Variants in CWH43 observed in about 807,000 individuals in gnomAD.
CWH43 encodes the protein cell wall biogenesis 43 C-terminal homolog.
CWH43 carries 91 observed loss-of-function variants against 85.7 expected under a neutral mutation model. The ratio of observed to expected loss-of-function variants is 1.06; its 90% CI spans 0.90 to 1.26. The LOEUF is 1.26. Ranked by LOEUF, CWH43 falls within the 50% of genes most tolerant of loss-of-function variation. CWH43 has a pLI of 0.00. For missense variants in CWH43, 869 were observed against 839.2 expected, an observed-to-expected ratio of 1.04 and a Z score of -0.44; for synonymous variants, 323 against 293.6, an observed-to-expected ratio of 1.10 and a Z score of -1.02.
chr4:49,041,351 C>A (rs201809213), intron 13 of CWH43, among the ~76,000 whole-genome samples: 1 of 152,160 alleles, frequency 6.6e-6, no homozygotes, highest in Admixed American at 6.6e-5. Flanking sequence ...GCCATTTTCA[C>A]GATATTGATT....
chr4:49,000,540 A>G (rs1374241991), intron 6 of CWH43, among the ~76,000 whole-genome samples: 2 of 152,244 alleles, frequency 1.3e-5, no homozygotes, highest in Non-Finnish European at 2.9e-5. Flanking sequence ...AAGCATATAC[A>G]GTAGCTTCTT....
chr4:49,003,736 A>G lies in CWH43; in HGVS notation c.804A>G (p.Gly268=), dbSNP rs576529964. The G allele has an allele frequency of 3.7e-6, 6 of 1,613,758 alleles. No homozygotes were observed. The Admixed American group carries it at 8.3e-5, about 22-fold the overall frequency. The part of the protein sequence containing the change: ...RGTGLIWWVT[G]TASAAGLLYL... ...GATTCTTTTCTCTCTCACAAACAGGAACAGCTTCAGCTGCGGGGCTCCTTT... is the reference window on the plus strand; with the variant it reads ...GATTCTTTTCTCTCTCACAAACAGGGACAGCTTCAGCTGCGGGGCTCCTTT... Residue 268 remains glycine, a splice_region_variant and synonymous_variant, in exon 7 of 16, where the codon GGA becomes GGG. Coordinates refer to ENST00000226432, the MANE Select transcript of CWH43 (RefSeq NM_025087.3).
intron 14 of CWH43, among the ~76,000 whole-genome samples, chr4:49,050,104 C>A: frequency 6.6e-6 from 1 of 152,108 alleles, no homozygotes; most frequent in East Asian, 1.9e-4. Flanking sequence ...TCTGGAAGAG[C>A]ACAATGTAAT....
At chr4:49,012,739 G>A (rs567800882) in intron 8 of CWH43, among the ~76,000 whole-genome samples, 1 of 152,328 alleles carries the variant, frequency 6.6e-6, no homozygotes, top group African/African-American at 2.4e-5. Flanking sequence ...TCCTTTAGCT[G>A]CAGGTCTGTT....
chr4:49,055,984 A>C (rs1397481066), intron 15 of CWH43, among the ~76,000 whole-genome samples: 1 of 147,244 alleles, frequency 6.8e-6, no homozygotes, highest in East Asian at 2.0e-4. Flanking sequence ...TTACATATGT[A>C]TACATGTGCC....
chr4:49,053,671 T>C (rs1300857847), intron 15 of CWH43, among the ~76,000 whole-genome samples: 1 of 152,196 alleles, frequency 6.6e-6, no homozygotes, highest in Non-Finnish European at 1.5e-5. Flanking sequence ...GTTCCCTATA[T>C]GTTTTGGATA....
intron 9 of CWH43, among the ~76,000 whole-genome samples, chr4:49,021,574 A>G (rs1454655459): frequency 6.6e-6 from 1 of 152,036 alleles, no homozygotes; most frequent in Admixed American, 6.5e-5. Context: ...ATTTTTTTCC[A>G]GTTCTGTGAA....
intron 10 of CWH43, among the ~76,000 whole-genome samples, chr4:49,029,513 G>A (rs961328973): frequency 1.9e-4 from 29 of 152,172 alleles, no homozygotes; most frequent in Admixed American, 1.0e-3. Flanking sequence ...CCCCCAGCCC[G>A]GCACCCGTAA....
intron 8 of CWH43, among the ~76,000 whole-genome samples, chr4:49,013,849 C>T (rs1373564049): frequency 2.0e-5 from 3 of 152,078 alleles, no homozygotes; most frequent in Non-Finnish European, 4.4e-5. Flanking sequence ...GAACTAAAAT[C>T]TCAAACATGA....
intron 2 of CWH43, among the ~76,000 whole-genome samples, chr4:48,991,169 G>C (rs546783424): frequency 6.6e-6 from 1 of 152,162 alleles, no homozygotes; most frequent in African/African-American, 2.4e-5. Flanking sequence ...ATGGGGATGG[G>C]GTTTCTTTTT....
intron 13 of CWH43, among the ~76,000 whole-genome samples, chr4:49,040,783 A>G (rs1442087512): frequency 6.6e-6 from 1 of 151,950 alleles, no homozygotes; most frequent in Non-Finnish European, 1.5e-5. Context: ...TTTTGTTGCC[A>G]TTGCTTTTGG....
chr4:49,010,768 C>T (rs765705533), intron 8 of CWH43, among the ~76,000 whole-genome samples: 2 of 152,108 alleles, frequency 1.3e-5, no homozygotes, highest in Non-Finnish European at 2.9e-5. Context: ...TGTTCGGTTT[C>T]CAGGTAGTTG....
chr4:48,990,962 A>T (rs929366825), intron 2 of CWH43, among the ~76,000 whole-genome samples: 2 of 152,214 alleles, frequency 1.3e-5, no homozygotes, highest in African/African-American at 4.8e-5. Context: ...AAATAATGAA[A>T]CACTGATACA....
intron 6 of CWH43, among the ~76,000 whole-genome samples, chr4:49,002,672 A>G (rs909985390): frequency 1.3e-5 from 2 of 152,156 alleles, no homozygotes; most frequent in African/African-American, 4.8e-5. Flanking sequence ...AAATCTCCCT[A>G]TGGAGTTAAA....
chr4:49,045,253 T>A (rs1784587429), intron 14 of CWH43, among the ~76,000 whole-genome samples: 1 of 152,162 alleles, frequency 6.6e-6, no homozygotes, highest in African/African-American at 2.4e-5. Context: ...CTGGGTAAGT[T>A]AACTAATTTG....
chr4:49,039,434 T>G (rs1176943569), intron 13 of CWH43, among the ~76,000 whole-genome samples: 1 of 134,562 alleles, frequency 7.4e-6, no homozygotes, highest in African/African-American at 2.9e-5. Flanking sequence ...TATACACTTA[T>G]ATATATATAT....
intron 11 of CWH43, among the ~76,000 whole-genome samples, chr4:49,032,349 G>A (rs903634528): frequency 6.6e-6 from 1 of 152,190 alleles, no homozygotes; most frequent in Non-Finnish European, 1.5e-5. Context: ...TTAAAACAGA[G>A]TTGATGGTGT....
intron 13 of CWH43, among the ~76,000 whole-genome samples, chr4:49,039,330 TATACTGATGTATATATATACTG>T (rs1784372206): frequency 1.2e-5 from 1 of 82,790 alleles, no homozygotes; most frequent in African/African-American, 4.3e-5. Context: ...TATATATATA[TATACTGATGTATATATATACTG>T]ATATATATAT....
At chr4:49,005,757 C>T (rs549359751) in intron 7 of CWH43, among the ~76,000 whole-genome samples, 95 of 151,744 alleles carry the variant, frequency 6.3e-4, no homozygotes, top group African/African-American at 2.1e-3. Context: ...CCCAGGCTGG[C>T]GTCGAACTCC....
Sources: gnomAD v4.1 joint callset for allele counts (sites outside exome capture counted in the v4.1 genomes callset) on GRCh38, gnomAD v4.1.1 for gene constraint, MANE v1.5 for transcripts, NCBI Gene and HGNC (gene_info 2026-07-23, HGNC 2026-07-21) for gene names.